NRG1: variants seen among roughly 807,000 people sequenced by gnomAD.
NRG1 encodes pro-neuregulin-1, membrane-bound isoform.
In NRG1, 18 loss-of-function variants were observed where a neutral mutation model predicts 63.8. The observed-to-expected ratio is 0.28, with a 90% CI of 0.19 to 0.42. The LOEUF (loss-of-function observed/expected upper bound fraction) is 0.42, where lower values mean the gene tolerates loss of function less well. NRG1 is among the 10% of genes least tolerant of loss of function. NRG1 has a pLI of 1.00. For synonymous variants in NRG1, 302 were observed against 301.3 expected, an observed-to-expected ratio of 1.00 and a Z score of -0.02; for missense variants, 762 against 814.7, an observed-to-expected ratio of 0.94 and a Z score of 0.79.
chr8:31,890,240 G>A (rs1281848964), intron 1 of NRG1, among the ~76,000 whole-genome samples: 1 of 152,138 alleles, frequency 6.6e-6, no homozygotes, highest in African/African-American at 2.4e-5. Flanking sequence ...AATAGAAATG[G>A]TTTAGAGAAG....
exon 12 of NRG1, chr8:32,764,088 C>G (rs745607430): frequency 6.2e-7 from 1 of 1,614,070 alleles, no homozygotes; most frequent in Admixed American, 1.7e-5. Context: ...AGCCCAAGAG[C>G]CTGTTAAGAA....
intron 1 of NRG1, among the ~76,000 whole-genome samples, chr8:31,819,755 C>T (rs78845477): frequency 0.013 from 2,044 of 152,294 alleles, 50 homozygotes; most frequent in African/African-American, 0.047. Context: ...TTCCTCTTGA[C>T]ATGGAACTAT....
At chr8:32,058,579 T>G (rs961363902) in intron 1 of NRG1, among the ~76,000 whole-genome samples, 2 of 152,090 alleles carry the variant, frequency 1.3e-5, no homozygotes, top group Non-Finnish European at 2.9e-5. Flanking sequence ...TTTTATTTTT[T>G]TATTTTTTTA....
intron 1 of NRG1, among the ~76,000 whole-genome samples, chr8:32,409,646 G>A (rs1027769822): frequency 2.6e-5 from 4 of 152,076 alleles, no homozygotes; most frequent in Non-Finnish European, 5.9e-5. Context: ...GAACAGAGCA[G>A]GTACAGTTAA....
At chr8:32,314,508 C>T (rs1334920118) in intron 1 of NRG1, among the ~76,000 whole-genome samples, 17 of 152,170 alleles carry the variant, frequency 1.1e-4, no homozygotes, top group Admixed American at 9.2e-4. Context: ...GCCTAATGAC[C>T]TCTACAAAGC....
In NRG1 at chr8:32,205,485, G is replaced by T. The variant is rs147194452; in HGVS notation, c.38-390343G>T. 5.3e-5 allele frequency among the ~76,000 whole-genome samples: 8 copies of T among 152,178 alleles called. No homozygotes were observed. In the East Asian group the frequency reaches 9.7e-4, roughly 18 times the overall value. ...GATTTTTTCTCATGAGAAATAAAAC[G>T]CAGGTGTGTTCACCAAAATCCTGCT... On this transcript the variant is annotated intron_variant, in intron 1 of 10. Coordinates refer to the NRG1 transcript ENST00000519301.
At chr8:32,225,214 G>A (rs1474063651) in intron 1 of NRG1, among the ~76,000 whole-genome samples, 7 of 152,182 alleles carry the variant, frequency 4.6e-5, no homozygotes. Context: ...TGGCCAAATA[G>A]TCCTCTAGTT....
intron 1 of NRG1, among the ~76,000 whole-genome samples, chr8:32,118,662 G>T (rs186998712): frequency 2.1e-3 from 327 of 152,166 alleles, no homozygotes; most frequent in Middle Eastern, 0.01. Flanking sequence ...TATTTATTTT[G>T]GTGCTTTAAC....
chr8:32,203,355 T>C (rs1272522415), intron 1 of NRG1, among the ~76,000 whole-genome samples: 1 of 151,932 alleles, frequency 6.6e-6, no homozygotes, highest in African/African-American at 2.4e-5. Flanking sequence ...ATTTTAGTAA[T>C]TCTTTAGTTC....
chr8:32,136,086 G>A (rs373603780), intron 1 of NRG1, among the ~76,000 whole-genome samples: 15 of 152,098 alleles, frequency 9.9e-5, no homozygotes, highest in African/African-American at 3.1e-4. Context: ...CTCATCTTAC[G>A]ATCAGAGTCA....
chr8:32,026,138 G>GGCTC, intron 1 of NRG1: 1 of 149,230 alleles, frequency 6.7e-6, no homozygotes, highest in South Asian at 2.2e-4. Flanking sequence ...GCAGGATCTC[G>GGCTC]ACTCACTGCA....
rs576387708 is a variant in NRG1, at chr8:32,035,605, A to G, written c.37+396174A>G. On this transcript the variant is annotated intron_variant, in intron 1 of 10. Transcript: ENST00000519301. ...CTCTTTGTATGTCTCAACTTGCTAT[A>G]TGAATCAGGGTGCTCCTGTATTGGG... Among the ~76,000 whole-genome samples, 29 of 152,304 alleles carry G rather than the reference A, an allele frequency of 1.9e-4. No individual in the cohort carries two copies. The South Asian group carries it at 5.4e-3, about 28-fold the overall frequency.
At chr8:32,319,466 G>A (rs1801129961) in intron 1 of NRG1, among the ~76,000 whole-genome samples, 1 of 152,088 alleles carries the variant, frequency 6.6e-6, no homozygotes, top group Admixed American at 6.6e-5. Flanking sequence ...GCTGAGAGAG[G>A]GAACCTGCAA....
At chr8:32,462,595 C>CTTTT (rs58485445) in intron 1 of NRG1, among the ~76,000 whole-genome samples, 101 of 72,258 alleles carry the variant, frequency 1.4e-3, no homozygotes, top group Non-Finnish European at 1.6e-3. Context: ...CACACTGATT[C>CTTTT]TTTTTTTTTT....
chr8:31,873,987 A>G (rs1352173840), intron 1 of NRG1, among the ~76,000 whole-genome samples: 2 of 152,232 alleles, frequency 1.3e-5, no homozygotes, highest in East Asian at 1.9e-4. Flanking sequence ...ATCAATGAAA[A>G]TGTGATTTTC....
At chr8:31,785,638 C>A (rs965741896) in intron 1 of NRG1, among the ~76,000 whole-genome samples, 1 of 152,192 alleles carries the variant, frequency 6.6e-6, no homozygotes, top group African/African-American at 2.4e-5. Flanking sequence ...AAATCCCCAT[C>A]ACTTCATTTA....
intron 1 of NRG1, among the ~76,000 whole-genome samples, chr8:32,519,395 A>T (rs1168131796): frequency 1.3e-5 from 2 of 151,806 alleles, no homozygotes; most frequent in Non-Finnish European, 2.9e-5. Context: ...TTGTTATTTC[A>T]TTAAGCTAAA....
chr8:32,549,040 T>A (rs1050426467), intron 1 of NRG1, among the ~76,000 whole-genome samples: 1 of 152,152 alleles, frequency 6.6e-6, no homozygotes, highest in Admixed American at 6.5e-5. Flanking sequence ...CGCCCAGAGC[T>A]CAGGGCAAGG....
At chr8:32,419,721 C>T (rs965461557) in intron 1 of NRG1, among the ~76,000 whole-genome samples, 3 of 152,142 alleles carry the variant, frequency 2.0e-5, no homozygotes, top group African/African-American at 7.2e-5. Flanking sequence ...TTTAAAAACA[C>T]CCATTTCAAT....
Sources: allele counts gnomAD v4.1 joint callset (sites outside exome capture counted in the v4.1 genomes callset), GRCh38; gene constraint gnomAD v4.1.1; transcripts MANE v1.5; gene names NCBI Gene and HGNC (gene_info 2026-07-23, HGNC 2026-07-21).